Variants in CEMIP observed in about 807,000 individuals in gnomAD.
The protein encoded by CEMIP is cell migration-inducing and hyaluronan-binding protein.
Under a neutral mutation model 156.9 loss-of-function variants are expected in CEMIP, and 105 were observed. The ratio of observed to expected loss-of-function variants is 0.67; its 90% CI spans 0.57 to 0.79. The LOEUF (loss-of-function observed/expected upper bound fraction) is 0.79. Ranked by LOEUF, CEMIP falls within the 30% of genes least tolerant of loss-of-function variation. The probability of loss-of-function intolerance (pLI) is 0.00; values close to 1 mark genes in which losing one functional copy is unlikely to be tolerated. For synonymous variants in CEMIP, 676 were observed against 668.4 expected, an observed-to-expected ratio of 1.01 and a Z score of -0.17; for missense variants, 1,457 against 1,769.4, an observed-to-expected ratio of 0.82 and a Z score of 3.17.
chr15:80,818,556 C>T (rs1896841277), intron 1 of CEMIP, among the ~76,000 whole-genome samples: 1 of 152,188 alleles, frequency 6.6e-6, no homozygotes, highest in African/African-American at 2.4e-5. Context: ...CAACGGAAGT[C>T]CTGAACTCTA....
At chr15:80,892,800 G>C (rs1326828427) in intron 10 of CEMIP, among the ~76,000 whole-genome samples, 2 of 152,176 alleles carry the variant, frequency 1.3e-5, no homozygotes, top group African/African-American at 4.8e-5. Flanking sequence ...GCAAAAATAG[G>C]GATAATAATT....
intron 14 of CEMIP, among the ~76,000 whole-genome samples, chr15:80,919,371 C>T (rs1032397707): frequency 1.3e-5 from 2 of 152,218 alleles, no homozygotes; most frequent in Admixed American, 1.3e-4. Context: ...ACAGGGCACT[C>T]AGCTGTGTGC....
At chr15:80,873,224 G>A (rs1325070521) in intron 1 of CEMIP, among the ~76,000 whole-genome samples, 1 of 152,210 alleles carries the variant, frequency 6.6e-6, no homozygotes, top group Non-Finnish European at 1.5e-5. Flanking sequence ...ACCGAGGAAG[G>A]AGAAGAAAAT....
intron 3 of CEMIP, among the ~76,000 whole-genome samples, chr15:80,874,196 G>C (rs1470704925): frequency 6.6e-6 from 1 of 152,232 alleles, no homozygotes; most frequent in Non-Finnish European, 1.5e-5. Context: ...TAGAATCAGG[G>C]ATTGCAAACT....
At chr15:80,909,339 G>A (rs754443561) in intron 14 of CEMIP, 33 bp downstream of exon 14, 1 of 1,606,760 alleles carries the variant, frequency 6.2e-7, no homozygotes, top group Admixed American at 1.7e-5. Flanking sequence ...GAACTCTGGG[G>A]ATGGGCCATG....
At position 80,864,761 on chromosome 15, in the gene CEMIP, A is replaced by G. The variant is rs542170526; in HGVS notation, c.-175-8777A>G. On this transcript the variant is annotated intron_variant, in intron 1 of 29. Transcript: ENST00000394685. ...GGTTGACACTTAACTGATGGCTGAC[A>G]AGTGTCTGTTTGAGATTTAGTTAAT... 5.3e-5 allele frequency among the ~76,000 whole-genome samples: 8 copies of G among 152,320 alleles called. No individual in the cohort carries two copies. The South Asian group carries it at 1.7e-3, about 32-fold the overall frequency.
chr15:80,862,376 T>C (rs1005062376), intron 1 of CEMIP, among the ~76,000 whole-genome samples: 2 of 152,156 alleles, frequency 1.3e-5, no homozygotes, highest in African/African-American at 4.8e-5. Context: ...AATCCCTTCA[T>C]GGAAGAAGCC....
intron 1 of CEMIP, among the ~76,000 whole-genome samples, chr15:80,865,243 G>A (rs1338242589): frequency 3.3e-5 from 5 of 152,090 alleles, no homozygotes; most frequent in African/African-American, 1.2e-4. Context: ...GTGCAGTGGT[G>A]CAATCTTGGC....
intron 1 of CEMIP, among the ~76,000 whole-genome samples, chr15:80,831,735 G>C (rs1017218908): frequency 6.6e-6 from 1 of 152,184 alleles, no homozygotes; most frequent in African/African-American, 2.4e-5. Context: ...TGTCCAGAGG[G>C]GTTCATGCTG....
chr15:80,884,682 T>C (rs1290217870), intron 7 of CEMIP, among the ~76,000 whole-genome samples: 1 of 152,240 alleles, frequency 6.6e-6, no homozygotes, highest in Non-Finnish European at 1.5e-5. Context: ...ACAGCTAATA[T>C]TCATTTTCTC....
At chr15:80,849,669 C>CAG (rs151265419) in intron 1 of CEMIP, among the ~76,000 whole-genome samples, 22,744 of 150,138 alleles carry the variant, frequency 0.15, 1,970 homozygotes, top group East Asian at 0.24. Context: ...GAATGACCAC[C>CAG]AGAGAGAGAG....
chr15:80,911,922 GAGAGGCTGGGAGAGCTGAC>G (rs1387990692), intron 14 of CEMIP, among the ~76,000 whole-genome samples: 1 of 127,704 alleles, frequency 7.8e-6, no homozygotes, highest in African/African-American at 3.2e-5. Context: ...GGATTGCTGG[GAGAGGCTGGGAGAGCTGAC>G]AGAGGCTGGG....
chr15:80,796,966 A>G (rs1464763140), intron 1 of CEMIP, among the ~76,000 whole-genome samples: 2 of 152,208 alleles, frequency 1.3e-5, no homozygotes, highest in Non-Finnish European at 2.9e-5. Context: ...GCAAAGGGCA[A>G]TCAGATAACC....
chr15:80,852,707 C>T (rs754985473), intron 1 of CEMIP, among the ~76,000 whole-genome samples: 4 of 152,138 alleles, frequency 2.6e-5, no homozygotes, highest in Non-Finnish European at 5.9e-5. Flanking sequence ...CCTCCCTTTT[C>T]CTCTTTTATG....
At chr15:80,893,051 G>T (rs1899086650) in intron 10 of CEMIP, among the ~76,000 whole-genome samples, 1 of 152,072 alleles carries the variant, frequency 6.6e-6, no homozygotes, top group African/African-American at 2.4e-5. Flanking sequence ...GCTGGGTGTG[G>T]TGGCGGGCAC....
intron 21 of CEMIP, 150 bp from the exon 22 acceptor site, chr15:80,931,709 G>T (rs911732597): frequency 5.8e-6 from 4 of 693,608 alleles, no homozygotes; most frequent in Non-Finnish European, 7.7e-6. Flanking sequence ...GTTTCTAGAG[G>T]TGGGGATCAG....
At chr15:80,882,263 C>G (rs753458214) in intron 6 of CEMIP, among the ~76,000 whole-genome samples, 2 of 152,244 alleles carry the variant, frequency 1.3e-5, no homozygotes. Flanking sequence ...CTGTTCATCA[C>G]TTTACCTGTC....
At chr15:80,946,802 G>A (rs1181662563) in intron 28 of CEMIP, 163 bp from the exon 29 acceptor site, 21 of 672,768 alleles carry the variant, frequency 3.1e-5, no homozygotes, top group East Asian at 5.6e-5. Flanking sequence ...GAAAGAGCCC[G>A]TCAGCTCAGA....
In CEMIP at chr15:80,920,161, G is replaced by C; in HGVS notation, c.1865G>C (p.Arg622Pro). The C allele has an allele frequency of 6.2e-7, 1 of 1,614,174 alleles. No homozygotes were observed. The highest frequency in any genetic ancestry group is 8.5e-7 in the Non-Finnish European group (1 of 1,180,034). Residue 622 changes from arginine (R) to proline (P), a missense_variant, in exon 15 of 30, where the codon CGC becomes CCC. By Grantham distance (103) the Arg-to-Pro change is moderately radical. Coordinates refer to ENST00000394685, the MANE Select transcript of CEMIP (RefSeq NM_001293298.2). The stretch of plus-strand genomic sequence containing the variant: ...TTCACGGAAGATGGGCCGGAGGAAC[G>C]CAACACTTTTGACCACTGTCTTGGC... ...CFFTEDGPEE[R>P]NTFDHCLGLL...
Sources: gnomAD v4.1 joint callset for allele counts (sites outside exome capture counted in the v4.1 genomes callset) on GRCh38, gnomAD v4.1.1 for gene constraint, MANE v1.5 for transcripts, NCBI Gene and HGNC (gene_info 2026-07-23, HGNC 2026-07-21) for gene names.